The following RBFOX1 variants were observed in gnomAD, a reference collection of about 807,000 sequenced individuals.
RBFOX1 encodes RNA binding fox-1 homolog 1, also known as RNA binding protein fox-1 homolog 1.
Under a neutral mutation model 57.7 loss-of-function variants are expected in RBFOX1, and 8 were observed. The observed-to-expected ratio is 0.14, with a 90% CI of 0.08 to 0.25. The LOEUF is 0.25. Ranked by LOEUF, RBFOX1 falls within the 10% of genes least tolerant of loss-of-function variation. The pLI is 1.00. For missense variants in RBFOX1, 611 were observed against 548.5 expected, an observed-to-expected ratio of 1.11 and a Z score of -1.14; for synonymous variants, 326 against 222.4, an observed-to-expected ratio of 1.47 and a Z score of -4.15.
At chr16:6,580,159 A>C (rs1406645583) in intron 2 of RBFOX1, among the ~76,000 whole-genome samples, 1 of 152,048 alleles carries the variant, frequency 6.6e-6, no homozygotes, top group Non-Finnish European at 1.5e-5. Context: ...GGGTTTCACC[A>C]TGTCAGCCAG....
At chr16:6,077,275 G>C (rs1022970257) in intron 1 of RBFOX1, among the ~76,000 whole-genome samples, 2 of 152,128 alleles carry the variant, frequency 1.3e-5, no homozygotes, top group East Asian at 3.9e-4. Flanking sequence ...ATGGCAGCTT[G>C]GCCAGGTAGG....
chr16:7,009,230 TTTC>T lies in RBFOX1; in HGVS notation c.-15-42821_-15-42819del, dbSNP rs1278680181. 2.2e-5 allele frequency among the ~76,000 whole-genome samples: 3 copies of T among 135,054 alleles called. No individual in the cohort carries two copies. In the Admixed American group the frequency reaches 2.4e-4, roughly 11 times the overall value. 88.6% of individuals were successfully genotyped at this position (135,054 alleles called of 152,430 possible). On this transcript the variant is annotated intron_variant, in intron 3 of 15. Coordinates refer to ENST00000550418, the MANE Select transcript of RBFOX1 (RefSeq NM_018723.4). The stretch of plus-strand genomic sequence containing the variant: ...TCTTTCTCTCTGTCCCTCTTTCTTT[TTTC>T]TTCTTGTCTACTTCCTCTCCTTCCT...
At chr16:5,784,016 A>G (rs766158960) in intron 3 of RBFOX1, among the ~76,000 whole-genome samples, 1 of 152,206 alleles carries the variant, frequency 6.6e-6, no homozygotes, top group Non-Finnish European at 1.5e-5. Flanking sequence ...TAATTTATAA[A>G]TAAAAGAGGT....
chr16:7,520,785 AT>A (rs2077361578), intron 5 of RBFOX1, among the ~76,000 whole-genome samples: 1 of 152,200 alleles, frequency 6.6e-6, no homozygotes, highest in Non-Finnish European at 1.5e-5. Flanking sequence ...GTGACAATTA[AT>A]AGTAGTAATG....
chr16:5,431,580 G>T (rs1370957274), intron 1 of RBFOX1, among the ~76,000 whole-genome samples: 1 of 152,032 alleles, frequency 6.6e-6, no homozygotes, highest in Non-Finnish European at 1.5e-5. Context: ...TCACCATGTT[G>T]GCCAGGCTGG....
At position 7,650,263 on chromosome 16, in the gene RBFOX1, A is replaced by G. The variant is rs184543795; in HGVS notation, c.758-3552A>G. On this transcript the variant is annotated intron_variant, in intron 11 of 15. Coordinates refer to ENST00000550418, the MANE Select transcript of RBFOX1 (RefSeq NM_018723.4). Reference sequence around the variant, plus strand: ...ACCACCCAGGACACTTGAATCCTCCAGCCCTTTCTCCATGAAGCCTCTGGC... The same window carrying G: ...ACCACCCAGGACACTTGAATCCTCCGGCCCTTTCTCCATGAAGCCTCTGGC... Among the ~76,000 whole-genome samples, 236 of 151,766 alleles carry G rather than the reference A, an allele frequency of 1.6e-3. 3 individuals are homozygous for G. Among genetic ancestry groups the G allele is most frequent in the Admixed American group, 0.012 (186 of 15,262 alleles).
intron 1 of RBFOX1, among the ~76,000 whole-genome samples, chr16:5,368,055 C>G (rs74003894): frequency 0.011 from 1,739 of 152,210 alleles, 40 homozygotes; most frequent in African/African-American, 0.039. Context: ...TTGGAGAGAC[C>G]CACATGAGCT....
chr16:7,183,276 C>T (rs1416618747), intron 4 of RBFOX1, among the ~76,000 whole-genome samples: 3 of 152,074 alleles, frequency 2.0e-5, no homozygotes, highest in South Asian at 2.1e-4. Flanking sequence ...AACATATTCC[C>T]CAATGACAAG....
chr16:7,135,838 T>G (rs1276879908), intron 4 of RBFOX1, among the ~76,000 whole-genome samples: 2 of 152,236 alleles, frequency 1.3e-5, no homozygotes, highest in Non-Finnish European at 2.9e-5. Flanking sequence ...CAGATTGGCC[T>G]TTTCAGGTAG....
intron 1 of RBFOX1, among the ~76,000 whole-genome samples, chr16:6,218,345 A>G (rs13331966): frequency 0.037 from 5,661 of 151,922 alleles, 327 homozygotes; most frequent in African/African-American, 0.12. Flanking sequence ...GTCTCACTCT[A>G]TTGCCCAGGC....
chr16:5,771,149 G>T (rs553407740), intron 3 of RBFOX1, among the ~76,000 whole-genome samples: 4 of 152,210 alleles, frequency 2.6e-5, no homozygotes, highest in Non-Finnish European at 5.9e-5. Flanking sequence ...TAGAGCAACA[G>T]AAAACGGGAA....
intron 2 of RBFOX1, among the ~76,000 whole-genome samples, chr16:5,508,557 C>G (rs959425874): frequency 6.6e-6 from 1 of 151,922 alleles, no homozygotes; most frequent in Non-Finnish European, 1.5e-5. Context: ...CAGAGTGCCA[C>G]ACCCAAGATG....
intron 4 of RBFOX1, among the ~76,000 whole-genome samples, chr16:7,423,234 C>T (rs2149404479): frequency 6.6e-6 from 1 of 152,096 alleles, no homozygotes; most frequent in East Asian, 1.9e-4. Flanking sequence ...TCGTGGGGTA[C>T]CTGTATCCAA....
chr16:6,511,645 T>A (rs954598405), intron 2 of RBFOX1, among the ~76,000 whole-genome samples: 18 of 152,174 alleles, frequency 1.2e-4, no homozygotes, highest in African/African-American at 4.3e-4. Context: ...GCTTTAATAT[T>A]TACTAACTCC....
intron 10 of RBFOX1, among the ~76,000 whole-genome samples, chr16:7,627,584 T>C (rs1018119803): frequency 1.3e-5 from 2 of 152,182 alleles, no homozygotes; most frequent in African/African-American, 2.4e-5. Context: ...TGAAGAGCTA[T>C]GTTGAAGCTA....
intron 4 of RBFOX1, among the ~76,000 whole-genome samples, chr16:7,280,946 T>TCCTTCCCCCCCCC (rs2095528793): frequency 7.5e-6 from 1 of 132,474 alleles, no homozygotes; most frequent in African/African-American, 2.9e-5. Flanking sequence ...TGCATGTGAT[T>TCCTTCCCCCCCCC]CCCTACCTAC....
intron 3 of RBFOX1, among the ~76,000 whole-genome samples, chr16:6,748,591 C>T (rs185950684): frequency 6.6e-6 from 1 of 152,100 alleles, no homozygotes; most frequent in Non-Finnish European, 1.5e-5. Flanking sequence ...CCCAGAAGTT[C>T]GAGGCTGTTG....
chr16:6,183,262 G>C (rs900261046), intron 1 of RBFOX1, among the ~76,000 whole-genome samples: 18 of 151,892 alleles, frequency 1.2e-4, no homozygotes, highest in African/African-American at 2.9e-4. Context: ...GGGCAGATCA[G>C]GAGGTCAGGA....
At chr16:5,987,049 T>G (rs1389179467) in intron 4 of RBFOX1, among the ~76,000 whole-genome samples, 1 of 152,186 alleles carries the variant, frequency 6.6e-6, no homozygotes, top group East Asian at 1.9e-4. Context: ...TTGTCATTAT[T>G]TTTAATTTTT....
Sources: allele counts gnomAD v4.1 joint callset (sites outside exome capture counted in the v4.1 genomes callset), GRCh38; gene constraint gnomAD v4.1.1; transcripts MANE v1.5; gene names NCBI Gene and HGNC (gene_info 2026-07-23, HGNC 2026-07-21).